The following SLC8A1 variants were observed in gnomAD, a reference collection of about 807,000 sequenced individuals.
SLC8A1 encodes sodium/calcium exchanger 1.
In SLC8A1, 18 loss-of-function variants were observed where a neutral mutation model predicts 68.3. The ratio of observed to expected loss-of-function variants is 0.26; its 90% CI spans 0.18 to 0.39. The LOEUF (loss-of-function observed/expected upper bound fraction) is 0.39, where lower values mean the gene tolerates loss of function less well. Ranked by LOEUF, SLC8A1 falls within the 10% of genes least tolerant of loss-of-function variation. The probability of loss-of-function intolerance (pLI) is 1.00; values close to 1 mark genes in which losing one functional copy is unlikely to be tolerated. For missense variants in SLC8A1, 985 were observed against 1,156.7 expected (o/e 0.85, Z 2.15); for synonymous variants, 475 against 415.5 (o/e 1.14, Z -1.74).
chr2:40,172,857 G>A (rs1025662713), intron 4 of SLC8A1, among the ~76,000 whole-genome samples: 15 of 152,202 alleles, frequency 9.9e-5, no homozygotes, highest in South Asian at 4.2e-4. Flanking sequence ...CAGGAGAATC[G>A]CTTGAACCCT....
At chr2:40,337,330 A>G (rs1250511444) in intron 2 of SLC8A1, 1 of 353,858 alleles carries the variant, frequency 2.8e-6, no homozygotes, top group Non-Finnish European at 6.4e-6. Flanking sequence ...ATTGTTTTGT[A>G]AATATCATAC....
intron 2 of SLC8A1, among the ~76,000 whole-genome samples, chr2:40,202,297 T>A (rs2054530778): frequency 6.6e-6 from 1 of 151,972 alleles, no homozygotes; most frequent in Non-Finnish European, 1.5e-5. Context: ...TCAATCCTTT[T>A]AGATATAGCT....
At chr2:40,477,316 C>T (rs544475012) in intron 1 of SLC8A1, among the ~76,000 whole-genome samples, 3 of 152,230 alleles carry the variant, frequency 2.0e-5, no homozygotes, top group African/African-American at 7.2e-5. Flanking sequence ...TGAAGTGTTG[C>T]AGCTCCCTAT....
Position 40,347,937 on chromosome 2 carries a change from C to T in SLC8A1, c.1808+80536G>A, listed in dbSNP as rs181693592. Among the ~76,000 whole-genome samples the T allele has an allele frequency of 1.1e-3, 174 of 152,216 alleles. 2 individuals are homozygous for T. The highest frequency in any genetic ancestry group is 4.1e-3 in the African/African-American group (171 of 41,534). Reference sequence around the variant, plus strand: ...ACACATTCTTTTCTGTCTAAGATGGCCCACTTGAAATTATAAGCAATTTAA... The same window carrying T: ...ACACATTCTTTTCTGTCTAAGATGGTCCACTTGAAATTATAAGCAATTTAA... On this transcript the variant is annotated intron_variant, in intron 2 of 7. Coordinates refer to ENST00000406785, the Ensembl canonical transcript of SLC8A1.
rs144106913 is a variant in SLC8A1 at position 40,404,774 on chromosome 2, T to C, written c.1808+23699A>G. Reference sequence around the variant, plus strand: ...GCATAATTAACCAGAAAGCTAGTTGTTGAGCAGTTAAACAGGCTGTCCAAA... The same window carrying C: ...GCATAATTAACCAGAAAGCTAGTTGCTGAGCAGTTAAACAGGCTGTCCAAA... On this transcript the variant is annotated intron_variant, in intron 2 of 7. Transcript: ENST00000406785. 8.7e-3 allele frequency among the ~76,000 whole-genome samples: 1,329 copies of C among 152,274 alleles called. 28 individuals carry two copies. The highest frequency in any genetic ancestry group is 0.031 in the African/African-American group (1,274 of 41,556).
chr2:40,230,093 C>T (rs1430281551), intron 2 of SLC8A1, among the ~76,000 whole-genome samples: 4 of 152,142 alleles, frequency 2.6e-5, no homozygotes, highest in East Asian at 3.9e-4. Context: ...GGGCTGCAAT[C>T]CATCTCTAGA....
At chr2:40,277,794 G>GTGTATATATATATATATA (rs907874659) in intron 2 of SLC8A1, among the ~76,000 whole-genome samples, 7 of 108,008 alleles carry the variant, frequency 6.5e-5, no homozygotes, top group East Asian at 3.5e-4. Context: ...ATATATGTGT[G>GTGTATATATATATATATA]TATATATATA....
At chr2:40,271,083 G>A (rs1261371611) in intron 2 of SLC8A1, among the ~76,000 whole-genome samples, 2 of 152,126 alleles carry the variant, frequency 1.3e-5, no homozygotes, top group African/African-American at 4.8e-5. Flanking sequence ...AGTAGCCAGA[G>A]TTATCCTTAA....
intron 2 of SLC8A1, among the ~76,000 whole-genome samples, chr2:40,415,665 T>A (rs897007103): frequency 6.6e-6 from 1 of 152,078 alleles, no homozygotes; most frequent in Admixed American, 6.6e-5. Context: ...AAAGGACTAA[T>A]GCTCTCTTAT....
chr2:40,319,717 C>A (rs2074955149), intron 2 of SLC8A1, among the ~76,000 whole-genome samples: 2 of 152,048 alleles, frequency 1.3e-5, no homozygotes, highest in South Asian at 2.1e-4. Context: ...CATCATTCTG[C>A]CTTTGGAGAG....
At chr2:40,283,545 A>C (rs1203685369) in intron 2 of SLC8A1, among the ~76,000 whole-genome samples, 1 of 152,210 alleles carries the variant, frequency 6.6e-6, no homozygotes, top group Middle Eastern at 3.2e-3. Flanking sequence ...CATACCCAGC[A>C]CTGTTTTTGT....
intron 2 of SLC8A1, among the ~76,000 whole-genome samples, chr2:40,203,210 C>G (rs976841725): frequency 4.6e-5 from 7 of 152,008 alleles, no homozygotes; most frequent in African/African-American, 1.7e-4. Flanking sequence ...ATGTCACTTA[C>G]TAGAAACTGC....
intron 2 of SLC8A1, among the ~76,000 whole-genome samples, chr2:40,403,091 A>G (rs916776989): frequency 2.6e-5 from 4 of 152,182 alleles, no homozygotes; most frequent in Non-Finnish European, 5.9e-5. Context: ...AACGAACACC[A>G]CATGAAACAA....
At chr2:40,255,451 T>G (rs548980343) in intron 2 of SLC8A1, among the ~76,000 whole-genome samples, 1 of 152,320 alleles carries the variant, frequency 6.6e-6, no homozygotes, top group East Asian at 1.9e-4. Context: ...TCTAAACTAT[T>G]TTGTACAGAG....
chr2:40,366,253 T>A (rs1307483645), intron 2 of SLC8A1, among the ~76,000 whole-genome samples: 1 of 152,042 alleles, frequency 6.6e-6, no homozygotes, highest in African/African-American at 2.4e-5. Context: ...TTTAACATTA[T>A]TAAGTTTTAT....
chr2:40,504,058 T>C (rs536189960), intron 1 of SLC8A1, among the ~76,000 whole-genome samples: 1 of 152,154 alleles, frequency 6.6e-6, no homozygotes, highest in South Asian at 2.1e-4. Context: ...CAAATTATAA[T>C]GCAGAGCTAG....
At chr2:40,333,735 G>A (rs182153114) in intron 2 of SLC8A1, among the ~76,000 whole-genome samples, 43 of 152,116 alleles carry the variant, frequency 2.8e-4, no homozygotes, top group African/African-American at 1.0e-3. Context: ...TTAGTTTGGA[G>A]TCAGTAATCA....
chr2:40,418,650 C>A (rs532004959), intron 2 of SLC8A1, among the ~76,000 whole-genome samples: 1 of 152,296 alleles, frequency 6.6e-6, no homozygotes, highest in South Asian at 2.1e-4. Context: ...ACATGCTTCC[C>A]CTAGTAATGC....
intron 6 of SLC8A1, among the ~76,000 whole-genome samples, chr2:40,150,384 G>C (rs1026528203): frequency 6.6e-5 from 10 of 152,178 alleles, no homozygotes; most frequent in African/African-American, 2.4e-4. Context: ...GGGTGGCTAT[G>C]GTTTCTCTTC....
Sources: gnomAD v4.1 joint callset for allele counts (sites outside exome capture counted in the v4.1 genomes callset) on GRCh38, gnomAD v4.1.1 for gene constraint, MANE v1.5 for transcripts, NCBI Gene and HGNC (gene_info 2026-07-23, HGNC 2026-07-21) for gene names.